PLXNA2: variants seen among roughly 807,000 people sequenced by gnomAD.
The protein encoded by PLXNA2 is plexin-A2.
A neutral mutation model predicts 193.5 loss-of-function variants in PLXNA2; 91 were observed. The ratio of observed to expected loss-of-function variants is 0.47; its 90% CI spans 0.40 to 0.56. PLXNA2 has a LOEUF of 0.56. Among genes scored for constraint, PLXNA2 ranks in the 20% least tolerant of loss-of-function variants. PLXNA2 has a pLI of 0.00. For missense variants in PLXNA2, 1,995 were observed against 2,503.2 expected (o/e 0.80, Z 4.33); for synonymous variants, 997 against 1,027.3 (o/e 0.97, Z 0.56).
chr1:208,120,958 G>C (rs115973789), intron 4 of PLXNA2, among the ~76,000 whole-genome samples: 3 of 152,190 alleles, frequency 2.0e-5, no homozygotes, highest in African/African-American at 7.2e-5. Flanking sequence ...AAAGCAGAGA[G>C]AATGAGCTAT....
At chr1:208,088,666 A>C (rs529153334) in intron 9 of PLXNA2, among the ~76,000 whole-genome samples, 5 of 152,366 alleles carry the variant, frequency 3.3e-5, no homozygotes, top group African/African-American at 1.2e-4. Flanking sequence ...GGTCTGACTC[A>C]TTACCTTAAG....
At chr1:208,030,476 C>T (rs1265349572) in intron 29 of PLXNA2, 1 of 985,240 alleles carries the variant, frequency 1.0e-6, no homozygotes, top group Non-Finnish European at 1.2e-6. Flanking sequence ...GATGGAAGGC[C>T]TGTCCTGGCA....
chr1:208,136,215 C>T (rs575456797), intron 4 of PLXNA2, among the ~76,000 whole-genome samples: 12 of 152,262 alleles, frequency 7.9e-5, no homozygotes, highest in East Asian at 5.8e-4. Flanking sequence ...AGAGATGAGC[C>T]GTCTTCAGTG....
chr1:208,023,922 TAAAGAGGGGA>T lies in PLXNA2; in HGVS notation c.*3311_*3320del, dbSNP rs994468816. 5 of 152,336 alleles carry T rather than the reference TAAAGAGGGGA, an allele frequency of 3.3e-5. No individual in the cohort carries two copies. The highest frequency in any genetic ancestry group is 1.2e-4 in the African/African-American group (5 of 41,566). 9.4% of individuals were successfully genotyped at this position (152,336 alleles called of 1,614,324 possible). A position where few individuals can be genotyped will look rare whatever the true frequency, so the allele number is the denominator to read the frequency against. On this transcript the variant is annotated 3_prime_UTR_variant, in exon 32 of 32. Coordinates refer to ENST00000367033, the MANE Select transcript of PLXNA2 (RefSeq NM_025179.4). ...CCATGCTTTTAATGACTGAACTCTGTAAAGAGGGGAACCCTCTGCCAATGGGGGATCAAAA... is the reference window on the plus strand; with the variant it reads ...CCATGCTTTTAATGACTGAACTCTGTACCCTCTGCCAATGGGGGATCAAAA...
chr1:208,106,484 G>A (rs1183420231), intron 4 of PLXNA2, among the ~76,000 whole-genome samples: 1 of 152,216 alleles, frequency 6.6e-6, no homozygotes, highest in Non-Finnish European at 1.5e-5. Flanking sequence ...AGGGAATTCA[G>A]AGCAACGAGA....
At chr1:208,084,202 C>T (rs576923908) in intron 10 of PLXNA2, among the ~76,000 whole-genome samples, 178 bp downstream of exon 10, 49 of 152,386 alleles carry the variant, frequency 3.2e-4, no homozygotes, top group African/African-American at 1.2e-3. Flanking sequence ...TGGCACCAGT[C>T]ACCTGCCCTG....
At chr1:208,225,288 C>T (rs186744755) in intron 1 of PLXNA2, among the ~76,000 whole-genome samples, 2 of 152,208 alleles carry the variant, frequency 1.3e-5, no homozygotes, top group African/African-American at 4.8e-5. Context: ...GAGACGGTGT[C>T]TTTTGTTACT....
intron 4 of PLXNA2, among the ~76,000 whole-genome samples, chr1:208,138,601 C>T (rs762549551): frequency 1.3e-4 from 20 of 152,342 alleles, no homozygotes; most frequent in Middle Eastern, 3.4e-3. Flanking sequence ...GAACATTATG[C>T]TGACCGGGCG....
intron 17 of PLXNA2, 151 bp from the exon 18 acceptor site, chr1:208,046,268 G>T: frequency 9.5e-7 from 1 of 1,048,860 alleles, no homozygotes; most frequent in Non-Finnish European, 1.3e-6. Context: ...CTCCAGGAAA[G>T]GGCAGTGAAA....
At chr1:208,095,955 G>T in intron 8 of PLXNA2, 74 bp downstream of exon 8, 2 of 1,158,148 alleles carry the variant, frequency 1.7e-6, no homozygotes, top group Non-Finnish European at 2.6e-6. Context: ...CCCTAAAGGA[G>T]CTTAGCATCG....
At chr1:208,076,538 G>C (rs1255225651) in intron 12 of PLXNA2, among the ~76,000 whole-genome samples, 1 of 152,170 alleles carries the variant, frequency 6.6e-6, no homozygotes, top group Non-Finnish European at 1.5e-5. Context: ...GTGCCCTGTT[G>C]ATAGGTACCA....
At chr1:208,131,902 C>T (rs933788663) in intron 4 of PLXNA2, among the ~76,000 whole-genome samples, 3 of 152,144 alleles carry the variant, frequency 2.0e-5, no homozygotes, top group Non-Finnish European at 4.4e-5. Flanking sequence ...CTCCTCACTC[C>T]CGGCTATGCC....
intron 3 of PLXNA2, among the ~76,000 whole-genome samples, chr1:208,156,888 T>C (rs1228205074): frequency 6.6e-6 from 1 of 152,224 alleles, no homozygotes; most frequent in Non-Finnish European, 1.5e-5. Context: ...CCAGCAAGCT[T>C]CCTTTTCCCT....
chr1:208,211,564 G>A (rs1390407815), intron 2 of PLXNA2, among the ~76,000 whole-genome samples: 1 of 152,094 alleles, frequency 6.6e-6, no homozygotes, highest in African/African-American at 2.4e-5. Flanking sequence ...GTGGTGGTGT[G>A]TGCCTGTAGT....
At chr1:208,090,138 A>G (rs1301434062) in intron 9 of PLXNA2, among the ~76,000 whole-genome samples, 1 of 152,142 alleles carries the variant, frequency 6.6e-6, no homozygotes, top group Non-Finnish European at 1.5e-5. Context: ...TCCTGAGCAA[A>G]GTTGGGAGCT....
chr1:208,142,978 A>G lies in PLXNA2; in HGVS notation c.1372-515T>C, dbSNP rs372786109. ...TCCCAGGAGGGTCTTTCAGCCCCCA[A>G]ACATATGCCCTGACTGTCCACAAAT... is the stretch of plus-strand genomic sequence containing the variant. On this transcript the variant is annotated intron_variant, in intron 3 of 31. Transcript: ENST00000367033. Among the ~76,000 whole-genome samples, 46 of 152,328 alleles carry G rather than the reference A, an allele frequency of 3.0e-4. No homozygotes were observed. The East Asian group carries it at 4.4e-3, about 15-fold the overall frequency.
chr1:208,218,840 T>G (rs1298157371), intron 1 of PLXNA2, among the ~76,000 whole-genome samples: 3 of 152,148 alleles, frequency 2.0e-5, no homozygotes, highest in Non-Finnish European at 4.4e-5. Flanking sequence ...GGAAATTGCT[T>G]CAACCTCTGC....
intron 3 of PLXNA2, among the ~76,000 whole-genome samples, chr1:208,181,614 T>C (rs1365106459): frequency 6.6e-6 from 1 of 152,136 alleles, no homozygotes; most frequent in African/African-American, 2.4e-5. Context: ...AATTTAGGGA[T>C]CACTAGCAAG....
At chr1:208,160,222 G>A (rs1014573393) in intron 3 of PLXNA2, among the ~76,000 whole-genome samples, 2 of 150,876 alleles carry the variant, frequency 1.3e-5, no homozygotes, top group South Asian at 2.1e-4. Flanking sequence ...AACCCCCCCC[G>A]CCCAGAAGTA....
Sources: allele counts gnomAD v4.1 joint callset (sites outside exome capture counted in the v4.1 genomes callset), GRCh38; gene constraint gnomAD v4.1.1; transcripts MANE v1.5; gene names NCBI Gene and HGNC (gene_info 2026-07-23, HGNC 2026-07-21).